RGS5: variants seen among roughly 807,000 people sequenced by gnomAD.
RGS5 encodes regulator of G-protein signalling 5.
Under a neutral mutation model 18.9 loss-of-function variants are expected in RGS5, and 20 were observed. That is an observed-to-expected ratio of 1.06 (90% CI 0.74 to 1.54). The LOEUF is 1.54. RGS5 is among the 40% of genes most tolerant of loss of function. RGS5 has a pLI of 0.00. For missense variants in RGS5, 201 were observed against 211.8 expected, an observed-to-expected ratio of 0.95 and a Z score of 0.32; for synonymous variants, 57 against 76.2, an observed-to-expected ratio of 0.75 and a Z score of 1.31.
At chr1:163,253,745 A>T (rs1648184677) in intron 2 of RGS5, among the ~76,000 whole-genome samples, 1 of 151,438 alleles carries the variant, frequency 6.6e-6, no homozygotes, top group South Asian at 2.1e-4. Flanking sequence ...GGTGTGCTGC[A>T]CCCATTAACT....
chr1:163,166,559 G>A (rs1658062908), intron 2 of RGS5, among the ~76,000 whole-genome samples: 1 of 152,190 alleles, frequency 6.6e-6, no homozygotes, highest in Admixed American at 6.5e-5. Context: ...CAAACATGAG[G>A]AGGTGGGATG....
intron 2 of RGS5, among the ~76,000 whole-genome samples, chr1:163,268,236 GT>G (rs762783080): frequency 3.3e-5 from 5 of 151,940 alleles, no homozygotes; most frequent in Non-Finnish European, 5.9e-5. Flanking sequence ...ACAGAGCAGT[GT>G]TTTTACTGTA....
At chr1:163,190,995 A>G (rs1185327176) in intron 1 of RGS5, among the ~76,000 whole-genome samples, 1 of 152,098 alleles carries the variant, frequency 6.6e-6, no homozygotes, top group Non-Finnish European at 1.5e-5. Flanking sequence ...CAATACATAT[A>G]TATATATATC....
chr1:163,222,729 G>C lies in RGS5; in HGVS notation c.-280-54361C>G, dbSNP rs141539878. Reference sequence around the variant, plus strand: ...GGACTTGGACTGTGAACTGGCTTAGGTGTGGAAACTAGGTTAAAGACAGGG... The same window carrying C: ...GGACTTGGACTGTGAACTGGCTTAGCTGTGGAAACTAGGTTAAAGACAGGG... On this transcript the variant is annotated intron_variant, in intron 2 of 5. Transcript: ENST00000618415. Among the ~76,000 whole-genome samples, 399 of 152,318 alleles carry C rather than the reference G, an allele frequency of 2.6e-3. 1 individual carries two copies. Among genetic ancestry groups the C allele is most frequent in the African/African-American group, 7.7e-3 (321 of 41,574 alleles).
intron 1 of RGS5, among the ~76,000 whole-genome samples, chr1:163,312,615 G>A (rs912784905): frequency 1.3e-5 from 2 of 152,194 alleles, no homozygotes; most frequent in African/African-American, 4.8e-5. Context: ...CCTGATTAAA[G>A]CAGAGAATAC....
At chr1:163,158,440 G>A (rs935253777) in intron 3 of RGS5, among the ~76,000 whole-genome samples, 7 of 152,294 alleles carry the variant, frequency 4.6e-5, no homozygotes, top group East Asian at 1.9e-4. Context: ...GATATTTCAC[G>A]TAGCTTCTTT....
intron 2 of RGS5, among the ~76,000 whole-genome samples, chr1:163,241,132 T>C (rs1242981609): frequency 6.6e-6 from 1 of 152,240 alleles, no homozygotes; most frequent in Non-Finnish European, 1.5e-5. Flanking sequence ...AAAGGCTAGA[T>C]GTATTTACCC....
chr1:163,219,044 C>T (rs529447891), upstream of RGS5, among the ~76,000 whole-genome samples: 20 of 152,170 alleles, frequency 1.3e-4, no homozygotes, highest in African/African-American at 3.1e-4. Flanking sequence ...ATAGAATTTA[C>T]GGCTCTCAGT....
intron 3 of RGS5, among the ~76,000 whole-genome samples, chr1:163,156,611 C>A (rs1232796278): frequency 6.6e-6 from 1 of 152,108 alleles, no homozygotes; most frequent in Non-Finnish European, 1.5e-5. Flanking sequence ...TCCCACCTCC[C>A]AGTCTAAATC....
intron 1 of RGS5, among the ~76,000 whole-genome samples, chr1:163,315,221 C>G (rs1649988912): frequency 6.6e-6 from 1 of 152,054 alleles, no homozygotes; most frequent in Non-Finnish European, 1.5e-5. Flanking sequence ...AAAAATAGCA[C>G]TGGATATTGT....
At position 163,146,225 on chromosome 1, in the gene RGS5, G is replaced by A. The variant is rs1044859623; in HGVS notation, c.*1117C>T. 2 of 149,910 alleles carry A rather than the reference G, an allele frequency of 1.3e-5. No homozygotes were observed. The highest frequency in any genetic ancestry group is 2.5e-5 in the African/African-American group (1 of 40,100). The allele number at this position is 149,910 out of a possible 1,614,324, so 9.3% of individuals were successfully genotyped here. A position where few individuals can be genotyped will look rare whatever the true frequency, so the allele number is the denominator to read the frequency against. On this transcript the variant is annotated 3_prime_UTR_variant, in exon 5 of 5. Coordinates refer to ENST00000313961, the MANE Select transcript of RGS5 (RefSeq NM_003617.4). ...AGCGAAATAGTGAAGGAATACTGGG[G>A]TTGCTAAAAGATTACTTTTTTTTTT...
chr1:163,210,136 T>C (rs533778067), intron 1 of RGS5, among the ~76,000 whole-genome samples: 24 of 151,778 alleles, frequency 1.6e-4, no homozygotes, highest in African/African-American at 5.6e-4. Flanking sequence ...ACTACAGATA[T>C]GCACCACCAC....
intron 2 of RGS5, among the ~76,000 whole-genome samples, chr1:163,278,063 A>G (rs1390963868): frequency 6.6e-6 from 1 of 151,954 alleles, no homozygotes; most frequent in East Asian, 1.9e-4. Flanking sequence ...TTTCAGAAAA[A>G]GAAGAGATGG....
At chr1:163,225,462 T>C (rs1435693349) in intron 2 of RGS5, among the ~76,000 whole-genome samples, 4 of 152,140 alleles carry the variant, frequency 2.6e-5, no homozygotes, top group African/African-American at 9.7e-5. Context: ...TTTGAAAATA[T>C]TGACCTTCTG....
intron 1 of RGS5, among the ~76,000 whole-genome samples, chr1:163,208,487 C>T (rs182705188): frequency 1.6e-4 from 19 of 119,046 alleles, no homozygotes; most frequent in Non-Finnish European, 2.5e-4. Context: ...ACACTCCAAC[C>T]CTGGGCAACA....
chr1:163,261,247 C>T (rs1648426512), intron 2 of RGS5, among the ~76,000 whole-genome samples: 1 of 152,102 alleles, frequency 6.6e-6, no homozygotes, highest in Non-Finnish European at 1.5e-5. Context: ...TGCATCCATC[C>T]ACACCAGTCA....
At position 163,144,247 on chromosome 1, in the gene RGS5, G is replaced by C. The variant is rs1657040019; in HGVS notation, c.*3095C>G. On this transcript the variant is annotated 3_prime_UTR_variant, in exon 5 of 5. Transcript: ENST00000313961. ...TGTATGTGTGGCGGGGAAGATGGAA[G>C]ATTATTCACATGCTTGAAGGCTATT... is the stretch of plus-strand genomic sequence containing the variant. The C allele has an allele frequency of 6.6e-6, 1 of 152,140 alleles. No homozygotes were observed. The highest frequency in any genetic ancestry group is 2.4e-5 in the African/African-American group (1 of 41,436). 9.4% of individuals were successfully genotyped at this position (152,140 alleles called of 1,614,324 possible). A position where few individuals can be genotyped will look rare whatever the true frequency, so the allele number is the denominator to read the frequency against.
chr1:163,244,466 A>G (rs1647877307), intron 2 of RGS5: 2 of 152,222 alleles, frequency 1.3e-5, no homozygotes, highest in Non-Finnish European at 2.9e-5. Context: ...TTATCTTACA[A>G]TAGCTTCTAT....
chr1:163,230,098 C>T (rs1462710266), intron 2 of RGS5, among the ~76,000 whole-genome samples: 1 of 152,208 alleles, frequency 6.6e-6, no homozygotes, highest in Non-Finnish European at 1.5e-5. Flanking sequence ...AAACTCATGG[C>T]TTTCACCATT....
Sources: allele counts gnomAD v4.1 joint callset (sites outside exome capture counted in the v4.1 genomes callset), GRCh38; gene constraint gnomAD v4.1.1; transcripts MANE v1.5; gene names NCBI Gene and HGNC (gene_info 2026-07-23, HGNC 2026-07-21).